The following SIN3A variants were observed in gnomAD, a reference collection of about 807,000 sequenced individuals.
SIN3A encodes the protein paired amphipathic helix protein Sin3a.
Under a neutral mutation model 146.1 loss-of-function variants are expected in SIN3A, and 14 were observed. The ratio of observed to expected loss-of-function variants is 0.10; its 90% CI spans 0.06 to 0.15. The LOEUF (loss-of-function observed/expected upper bound fraction) is 0.15. Among genes scored for constraint, SIN3A ranks in the 10% least tolerant of loss-of-function variants. The probability of loss-of-function intolerance (pLI) is 1.00; values close to 1 mark genes in which losing one functional copy is unlikely to be tolerated. For missense variants in SIN3A, 1,028 were observed against 1,576.0 expected (o/e 0.65, Z 5.89); for synonymous variants, 572 against 572.0 (o/e 1.00, Z 0.00).
In SIN3A at chr15:75,402,740, T is replaced by A. The variant is rs371228430; in HGVS notation, c.1408-770A>T. 3.3e-4 allele frequency among the ~76,000 whole-genome samples: 50 copies of A among 152,200 alleles called. 1 individual carries two copies. The highest frequency in any genetic ancestry group is 1.1e-3 in the African/African-American group (47 of 41,550). On this transcript the variant is annotated intron_variant, in intron 9 of 20. Coordinates refer to ENST00000394947, the MANE Select transcript of SIN3A (RefSeq NM_001145358.2). ...ACCTCTGCCTCCTGGGTTCAAGCAA[T>A]TCTCCTGCCTCAGCCTCCCAAGTAG...
At position 75,442,864 on chromosome 15, in the gene SIN3A, G is replaced by A. The variant is rs146754973; in HGVS notation, c.-34+8559C>T. 9.3e-3 allele frequency among the ~76,000 whole-genome samples: 1,411 copies of A among 151,076 alleles called. 13 individuals carry two copies. Among genetic ancestry groups the A allele is most frequent in the African/African-American group, 0.026 (1,066 of 41,054 alleles). ...GGAGAATCCCTTGAACCCAGGAGGCGGAGGTTGCGGTGAGCCGAGATTGTG... is the reference window on the plus strand; with the variant it reads ...GGAGAATCCCTTGAACCCAGGAGGCAGAGGTTGCGGTGAGCCGAGATTGTG... On this transcript the variant is annotated intron_variant, in intron 1 of 20. Transcript: ENST00000394947.
rs776874565 is a variant in SIN3A at position 75,392,560 on chromosome 15, C to G, written c.2533G>C (p.Asp845His). Reference sequence around the variant, plus strand: ...TTCTTAACTGCCCCTGTGGCTTCATCTACATCCATCTCTTCTTCTTCCTCT... The same window carrying G: ...TTCTTAACTGCCCCTGTGGCTTCATGTACATCCATCTCTTCTTCTTCCTCT... ...EEEEEEEMDV[D>H]EATGAVKKHN... The change falls in exon 15 of 21, where the codon GAT becomes CAT. Residue 845 changes from aspartate to histidine, a missense_variant. Asp to His is a moderately conservative substitution (Grantham distance 81, BLOSUM62 -1). This residue lies in a region of SIN3A where 488 missense variants were observed against 690.2 expected (regional missense o/e 0.71). Coordinates refer to ENST00000394947, the MANE Select transcript of SIN3A (RefSeq NM_001145358.2). 4 of 1,614,124 alleles carry G rather than the reference C, an allele frequency of 2.5e-6. No homozygotes were observed. Among genetic ancestry groups the G allele is most frequent in the Non-Finnish European group, 3.4e-6 (4 of 1,180,032 alleles).
chr15:75,402,608 T>C (rs1288508814), intron 9 of SIN3A, among the ~76,000 whole-genome samples: 1 of 152,142 alleles, frequency 6.6e-6, no homozygotes, highest in Admixed American at 6.5e-5. Context: ...GATGTGATAA[T>C]GATTATGTTT....
At chr15:75,381,540 G>C (rs1192899007) in intron 18 of SIN3A, 73 bp downstream of exon 18, 7 of 1,150,968 alleles carry the variant, frequency 6.1e-6, no homozygotes, top group Non-Finnish European at 9.0e-6. Context: ...TTGGCAGACA[G>C]GGTCACTGGA....
intron 14 of SIN3A, among the ~76,000 whole-genome samples, chr15:75,393,658 A>G (rs1481232196): frequency 6.6e-6 from 1 of 152,156 alleles, no homozygotes; most frequent in Non-Finnish European, 1.5e-5. Flanking sequence ...TACAGGCGTG[A>G]GCCACTGTGC....
At chr15:75,434,532 C>T (rs1366673197) in intron 1 of SIN3A, among the ~76,000 whole-genome samples, 1 of 152,042 alleles carries the variant, frequency 6.6e-6, no homozygotes, top group African/African-American at 2.4e-5. Flanking sequence ...CGCCTGTAAT[C>T]CCAGCTACTC....
chr15:75,392,629 C>A lies in SIN3A; in HGVS notation c.2464G>T (p.Asp822Tyr). 6.2e-7 allele frequency: 1 copy of A among 1,614,210 alleles called. No individual in the cohort carries two copies. Among genetic ancestry groups the A allele is most frequent in the Non-Finnish European group, 8.5e-7 (1 of 1,180,040 alleles). Residue 822 changes from aspartate to tyrosine, a missense_variant, in exon 15 of 21, where the codon GAT (aspartate) becomes TAT (tyrosine). This residue lies in a region of SIN3A where 488 missense variants were observed against 690.2 expected (regional missense o/e 0.71). Coordinates refer to ENST00000394947, the MANE Select transcript of SIN3A (RefSeq NM_001145358.2). ...IKQIMHHFIP[D>Y]LLFAQRGDLS... is the part of the protein sequence containing the mutation. The stretch of plus-strand genomic sequence containing the variant: ...TCACCTCTTTGGGCAAAGAGCAAAT[C>A]TGGAATAAAATGATGCATGATTTGT...
chr15:75,447,168 G>A (rs1367098623), intron 1 of SIN3A, among the ~76,000 whole-genome samples: 1 of 152,184 alleles, frequency 6.6e-6, no homozygotes, highest in African/African-American at 2.4e-5. Flanking sequence ...TATGACTTAG[G>A]TTTCAAAAGA....
At chr15:75,437,241 C>T (rs754741274) in intron 1 of SIN3A, among the ~76,000 whole-genome samples, 38 of 151,654 alleles carry the variant, frequency 2.5e-4, no homozygotes, top group Admixed American at 1.4e-3. Flanking sequence ...AGGGCTATCA[C>T]GGCTCACCGC....
chr15:75,397,041 G>C (rs2141441041), intron 12 of SIN3A, among the ~76,000 whole-genome samples: 1 of 152,266 alleles, frequency 6.6e-6, no homozygotes. Flanking sequence ...TCCACATCCA[G>C]TAATAATAAG....
chr15:75,438,101 C>T (rs961813416), intron 1 of SIN3A, among the ~76,000 whole-genome samples: 27 of 152,210 alleles, frequency 1.8e-4, no homozygotes, highest in African/African-American at 5.8e-4. Flanking sequence ...TGGTTCACAC[C>T]TGTAATCCTA....
intron 5 of SIN3A, 142 bp downstream of exon 5, chr15:75,412,621 A>G (rs1295725747): frequency 1.2e-6 from 1 of 803,850 alleles, no homozygotes; most frequent in Non-Finnish European, 1.9e-6. Flanking sequence ...GTCATAGTGA[A>G]GTTTTCATAC....
At chr15:75,418,293 G>T (rs1010897238) in intron 3 of SIN3A, among the ~76,000 whole-genome samples, 1 of 151,342 alleles carries the variant, frequency 6.6e-6, no homozygotes, top group African/African-American at 2.4e-5. Flanking sequence ...GCCTCCCAAC[G>T]TGCTGGGATT....
At chr15:75,398,595 T>G (rs558480407) in intron 12 of SIN3A, among the ~76,000 whole-genome samples, 23 of 152,070 alleles carry the variant, frequency 1.5e-4, no homozygotes, top group Admixed American at 3.3e-4. Context: ...GGATAATGGC[T>G]TAAACTCGTG....
chr15:75,440,843 G>A (rs866577315), intron 1 of SIN3A, among the ~76,000 whole-genome samples: 6 of 152,110 alleles, frequency 3.9e-5, no homozygotes, highest in African/African-American at 1.2e-4. Context: ...TTAGCCAGGC[G>A]TGGTGGCAGG....
At chr15:75,391,638 C>G (rs1363165781) in intron 15 of SIN3A, among the ~76,000 whole-genome samples, 1 of 152,148 alleles carries the variant, frequency 6.6e-6, no homozygotes, top group Non-Finnish European at 1.5e-5. Context: ...TGGAAGCAGG[C>G]AGCACAAAAT....
chr15:75,422,131 A>G (rs1157889048), intron 3 of SIN3A: 1 of 172,442 alleles, frequency 5.8e-6, no homozygotes, highest in Admixed American at 5.7e-5. Context: ...CTGTAATCCC[A>G]ACACTTTCGA....
chr15:75,397,393 G>T (rs907735497), intron 12 of SIN3A, among the ~76,000 whole-genome samples: 3 of 152,160 alleles, frequency 2.0e-5, no homozygotes, highest in African/African-American at 7.2e-5. Context: ...CCAATGAGTT[G>T]TTATGAGATG....
chr15:75,431,322 T>C (rs1446736616), intron 1 of SIN3A, among the ~76,000 whole-genome samples: 1 of 152,226 alleles, frequency 6.6e-6, no homozygotes, highest in Non-Finnish European at 1.5e-5. Context: ...AATTTTCTTC[T>C]GGTTTTAACA....
Sources: gnomAD v4.1 joint callset for allele counts (sites outside exome capture counted in the v4.1 genomes callset) on GRCh38, gnomAD v4.1.1 for gene constraint, gnomAD v4.1.1 regional missense constraint, MANE v1.5 for transcripts, NCBI Gene and HGNC (gene_info 2026-07-23, HGNC 2026-07-21) for gene names.